SEZ6L: variants seen among roughly 807,000 people sequenced by gnomAD.
SEZ6L encodes seizure related 6 homolog like.
A neutral mutation model predicts 106.2 loss-of-function variants in SEZ6L; 37 were observed. That is an observed-to-expected ratio of 0.35 (90% CI 0.27 to 0.46). The LOEUF is 0.46. Ranked by LOEUF, SEZ6L falls within the 20% of genes least tolerant of loss-of-function variation. SEZ6L has a pLI of 1.00. For synonymous variants in SEZ6L, 541 were observed against 570.4 expected (o/e 0.95, Z 0.73); for missense variants, 1,172 against 1,332.8 (o/e 0.88, Z 1.88).
intron 12 of SEZ6L, among the ~76,000 whole-genome samples, chr22:26,353,353 A>G (rs1194502998): frequency 1.3e-5 from 2 of 152,240 alleles, no homozygotes; most frequent in African/African-American, 4.8e-5. Flanking sequence ...GTGTGTGTAC[A>G]TATGTGCATA....
intron 9 of SEZ6L, among the ~76,000 whole-genome samples, chr22:26,333,039 T>G (rs713821): frequency 0.37 from 55,833 of 152,140 alleles, 10,962 homozygotes; most frequent in East Asian, 0.63. Flanking sequence ...GTGGGTCCTG[T>G]GAAATGCTTT....
At chr22:26,310,344 T>A (rs2081779323) in intron 6 of SEZ6L, among the ~76,000 whole-genome samples, 2 of 152,204 alleles carry the variant, frequency 1.3e-5, no homozygotes, top group African/African-American at 4.8e-5. Flanking sequence ...GAGACCAGCC[T>A]GGCCAACATG....
At chr22:26,221,740 GCACA>G (rs3222745) in intron 1 of SEZ6L, among the ~76,000 whole-genome samples, 4,535 of 149,314 alleles carry the variant, frequency 0.03, 93 homozygotes, top group Middle Eastern at 0.052. Context: ...GCACACGCGT[GCACA>G]CACACACACA....
At chr22:26,365,993 G>T (rs1427567130) in intron 13 of SEZ6L, among the ~76,000 whole-genome samples, 1 of 152,140 alleles carries the variant, frequency 6.6e-6, no homozygotes, top group East Asian at 1.9e-4. Flanking sequence ...ATTATACTAT[G>T]ACACAATGTC....
chr22:26,171,861 T>C (rs1194414647), intron 1 of SEZ6L, among the ~76,000 whole-genome samples: 1 of 152,066 alleles, frequency 6.6e-6, no homozygotes, highest in Non-Finnish European at 1.5e-5. Context: ...CCTTCCACAA[T>C]AAATTCTATT....
intron 5 of SEZ6L, 64 bp downstream of exon 5, chr22:26,299,233 T>G: frequency 8.0e-7 from 1 of 1,251,180 alleles, no homozygotes; most frequent in Non-Finnish European, 1.0e-6. Flanking sequence ...GACCAACCTG[T>G]AGGACACCGA....
chr22:26,172,372 T>C (rs952411371), intron 1 of SEZ6L, among the ~76,000 whole-genome samples: 1 of 152,232 alleles, frequency 6.6e-6, no homozygotes, highest in Non-Finnish European at 1.5e-5. Context: ...TGTGTTCATA[T>C]GGCTCAGTTA....
chr22:26,276,654 A>G (rs1217918516), intron 1 of SEZ6L, among the ~76,000 whole-genome samples: 1 of 152,042 alleles, frequency 6.6e-6, no homozygotes, highest in Non-Finnish European at 1.5e-5. Context: ...CCCTCCCTCA[A>G]TGACTCACTG....
intron 12 of SEZ6L, among the ~76,000 whole-genome samples, chr22:26,356,138 C>T (rs1326818242): frequency 6.6e-6 from 1 of 152,224 alleles, no homozygotes; most frequent in Admixed American, 6.5e-5. Flanking sequence ...CCCAAACTTT[C>T]TCAACTCATG....
intron 8 of SEZ6L, 66 bp downstream of exon 8, chr22:26,312,028 C>A: frequency 6.7e-7 from 1 of 1,493,628 alleles, no homozygotes; most frequent in Non-Finnish European, 9.2e-7. Context: ...ATGAGAAGAC[C>A]AAGGCCCCAG....
chr22:26,198,354 T>C (rs1940711574), intron 1 of SEZ6L, among the ~76,000 whole-genome samples: 1 of 152,204 alleles, frequency 6.6e-6, no homozygotes, highest in Non-Finnish European at 1.5e-5. Context: ...TAAATGTTGA[T>C]TGTCACTGAG....
At chr22:26,235,939 G>T (rs2078945068) in intron 1 of SEZ6L, among the ~76,000 whole-genome samples, 1 of 152,230 alleles carries the variant, frequency 6.6e-6, no homozygotes. Context: ...TCATGAAGCT[G>T]CATGAGTCAC....
At chr22:26,279,705 G>A (rs765884274) in intron 1 of SEZ6L, among the ~76,000 whole-genome samples, 3 of 152,132 alleles carry the variant, frequency 2.0e-5, no homozygotes, top group African/African-American at 4.8e-5. Context: ...GCACAGCTAC[G>A]TTCAGAATTA....
intron 1 of SEZ6L, chr22:26,242,909 T>C (rs748425564): frequency 6.6e-6 from 1 of 152,166 alleles, no homozygotes; most frequent in Non-Finnish European, 1.5e-5. Flanking sequence ...ACAACAGATA[T>C]GTATTTTCTC....
rs138759561 is a variant in SEZ6L, at chr22:26,273,892, C to T, written c.95-18514C>T. On this transcript the variant is annotated intron_variant, in intron 1 of 16. Transcript: ENST00000248933. ...TTTGTTGGAGATCCAAATTCTTCCT[C>T]AAGTGGACTGAGAAGTCAGCAGGTG... 1.0e-3 allele frequency among the ~76,000 whole-genome samples: 152 copies of T among 152,268 alleles called. No homozygotes were observed. The East Asian group carries it at 0.014, about 14-fold the overall frequency.
At chr22:26,370,179 G>A (rs1013968285) in intron 13 of SEZ6L, among the ~76,000 whole-genome samples, 3 of 152,018 alleles carry the variant, frequency 2.0e-5, no homozygotes, top group African/African-American at 4.8e-5. Flanking sequence ...TCAGGAGTTC[G>A]AGACCATCCT....
intron 1 of SEZ6L, among the ~76,000 whole-genome samples, chr22:26,251,124 T>C (rs1229264223): frequency 6.6e-6 from 1 of 152,204 alleles, no homozygotes; most frequent in East Asian, 1.9e-4. Flanking sequence ...CTTTCCACTT[T>C]GGATGTTCTT....
At chr22:26,213,451 C>T (rs1343454826) in intron 1 of SEZ6L, among the ~76,000 whole-genome samples, 1 of 152,178 alleles carries the variant, frequency 6.6e-6, no homozygotes, top group Non-Finnish European at 1.5e-5. Context: ...TGTCATAACA[C>T]ATGCAATCTT....
At chr22:26,266,346 G>T (rs955093011) in intron 1 of SEZ6L, among the ~76,000 whole-genome samples, 1 of 151,568 alleles carries the variant, frequency 6.6e-6, no homozygotes, top group African/African-American at 2.4e-5. Flanking sequence ...GGATCACGAG[G>T]TCAGGAGATC....
Sources: allele counts gnomAD v4.1 joint callset (sites outside exome capture counted in the v4.1 genomes callset), GRCh38; gene constraint gnomAD v4.1.1; transcripts MANE v1.5; gene names NCBI Gene and HGNC (gene_info 2026-07-23, HGNC 2026-07-21).